Variants in HS3ST4 observed in about 807,000 individuals in gnomAD.
HS3ST4 encodes heparan sulfate glucosamine 3-O-sulfotransferase 4.
A neutral mutation model predicts 29.2 loss-of-function variants in HS3ST4; 17 were observed. That is an observed-to-expected ratio of 0.58 (90% CI 0.40 to 0.87). The LOEUF (loss-of-function observed/expected upper bound fraction) is 0.87. HS3ST4 is among the 40% of genes least tolerant of loss of function. HS3ST4 has a pLI of 0.00. For missense variants in HS3ST4, 627 were observed against 634.5 expected, an observed-to-expected ratio of 0.99 and a Z score of 0.13; for synonymous variants, 314 against 285.7, an observed-to-expected ratio of 1.10 and a Z score of -1.00.
chr16:25,815,650 A>G (rs1967086308), intron 1 of HS3ST4, among the ~76,000 whole-genome samples: 1 of 152,188 alleles, frequency 6.6e-6, no homozygotes, highest in Non-Finnish European at 1.5e-5. Flanking sequence ...AAAAGCAAGC[A>G]AATATATGAC....
At chr16:25,879,946 T>C (rs1445081169) in intron 1 of HS3ST4, among the ~76,000 whole-genome samples, 3 of 152,088 alleles carry the variant, frequency 2.0e-5, no homozygotes, top group African/African-American at 7.2e-5. Flanking sequence ...CTTGTGAGAC[T>C]TATTCACTAC....
chr16:26,011,244 A>G (rs1296392602), intron 1 of HS3ST4, among the ~76,000 whole-genome samples: 1 of 152,174 alleles, frequency 6.6e-6, no homozygotes, highest in Non-Finnish European at 1.5e-5. Flanking sequence ...GCAAAATTGG[A>G]ACTCTCAGAT....
intron 1 of HS3ST4, among the ~76,000 whole-genome samples, chr16:25,717,943 A>G (rs535095661): frequency 6.6e-6 from 1 of 152,254 alleles, no homozygotes; most frequent in South Asian, 2.1e-4. Flanking sequence ...TGATGATGGA[A>G]AGAAGTGGCT....
chr16:26,121,994 G>T lies in HS3ST4; in HGVS notation c.735-13618G>T, dbSNP rs151311004. On this transcript the variant is annotated intron_variant, in intron 1 of 1. Transcript: ENST00000331351. ...TTGTCTTAGAACCCTGAAGTGAGAC[G>T]TTGCAATCACAAAAGAGAAAAGAGT... Among the ~76,000 whole-genome samples, 52 of 152,228 alleles carry T rather than the reference G, an allele frequency of 3.4e-4. 1 individual carries two copies. Among genetic ancestry groups the T allele is most frequent in the African/African-American group, 1.2e-3 (50 of 41,538 alleles).
chr16:25,785,284 A>T lies in HS3ST4; in HGVS notation c.734+92133A>T, dbSNP rs148052004. 3.1e-3 allele frequency among the ~76,000 whole-genome samples: 478 copies of T among 152,326 alleles called. 3 individuals carry two copies. Among genetic ancestry groups the T allele is most frequent in the African/African-American group, 0.011 (458 of 41,574 alleles). ...CCCTTTTGCAGCCCATGGATAGAGG[A>T]GTAATTTGGACTTCCAAGTCTTATT... On this transcript the variant is annotated intron_variant, in intron 1 of 1. Coordinates refer to ENST00000331351, the MANE Select transcript of HS3ST4 (RefSeq NM_006040.3).
rs543447571 is a variant in HS3ST4 at position 25,723,664 on chromosome 16, A to G, written c.734+30513A>G. On this transcript the variant is annotated intron_variant, in intron 1 of 1. Coordinates refer to ENST00000331351, the MANE Select transcript of HS3ST4 (RefSeq NM_006040.3). ...ATTTTTTATCTCTTTTACTCAAAAT[A>G]TCCTCGATGAAGCTCAGATGCTTTT... Among the ~76,000 whole-genome samples the G allele has an allele frequency of 2.0e-5, 3 of 152,370 alleles. No homozygotes were observed. In the East Asian group the frequency reaches 5.8e-4, roughly 29 times the overall value.
intron 1 of HS3ST4, among the ~76,000 whole-genome samples, chr16:25,774,738 T>G (rs1288531534): frequency 6.6e-6 from 1 of 152,200 alleles, no homozygotes; most frequent in Admixed American, 6.5e-5. Flanking sequence ...TTTGATTACA[T>G]TGGACCACCT....
rs141700251 is a variant in HS3ST4 at position 26,115,973 on chromosome 16, G to A, written c.735-19639G>A. 2.5e-3 allele frequency among the ~76,000 whole-genome samples: 378 copies of A among 152,296 alleles called. 3 individuals are homozygous for A. Among genetic ancestry groups the A allele is most frequent in the African/African-American group, 7.2e-3 (299 of 41,566 alleles). On this transcript the variant is annotated intron_variant, in intron 1 of 1. Coordinates refer to ENST00000331351, the MANE Select transcript of HS3ST4 (RefSeq NM_006040.3). ...AATTGTAGTGATTCTCTATAGCTGC[G>A]TAACAAACGTAAGGGCTTAAAACAC...
chr16:26,029,090 A>T (rs1275528202), intron 1 of HS3ST4: 1 of 152,226 alleles, frequency 6.6e-6, no homozygotes, highest in Non-Finnish European at 1.5e-5. Context: ...TTTTATTCCT[A>T]TCCTGACACA....
In HS3ST4 at chr16:26,064,497, A is replaced by G. The variant is rs184542100; in HGVS notation, c.735-71115A>G. On this transcript the variant is annotated intron_variant, in intron 1 of 1. Transcript: ENST00000331351. Reference sequence around the variant, plus strand: ...CACTGGTGGGAAAAACACAGGGTACATAGGACCAGATTAAGGAGAGACTTG... The same window carrying G: ...CACTGGTGGGAAAAACACAGGGTACGTAGGACCAGATTAAGGAGAGACTTG... 2.6e-5 allele frequency among the ~76,000 whole-genome samples: 4 copies of G among 152,238 alleles called. No homozygotes were observed. The East Asian group carries it at 5.8e-4, about 22-fold the overall frequency.
chr16:25,756,827 C>G (rs138307284), intron 1 of HS3ST4, among the ~76,000 whole-genome samples: 174 of 152,316 alleles, frequency 1.1e-3, no homozygotes, highest in Non-Finnish European at 1.8e-3. Context: ...AGAAGCAAAA[C>G]TGCTTTGAAG....
At chr16:25,929,778 A>T (rs1485767846) in intron 1 of HS3ST4, among the ~76,000 whole-genome samples, 1 of 152,228 alleles carries the variant, frequency 6.6e-6, no homozygotes, top group Non-Finnish European at 1.5e-5. Flanking sequence ...GATTCTTTTT[A>T]AAAATATATT....
chr16:25,719,645 T>C (rs1236887783), intron 1 of HS3ST4, among the ~76,000 whole-genome samples: 1 of 152,226 alleles, frequency 6.6e-6, no homozygotes, highest in African/African-American at 2.4e-5. Context: ...TAGCTGCAGT[T>C]CTGGGCATCA....
At chr16:25,982,697 G>A (rs182844677) in intron 1 of HS3ST4, among the ~76,000 whole-genome samples, 79 of 152,190 alleles carry the variant, frequency 5.2e-4, no homozygotes, top group Non-Finnish European at 9.1e-4. Context: ...GGGTATGGTG[G>A]TGTGTGCCTG....
chr16:25,948,152 G>T (rs566544442), intron 1 of HS3ST4, among the ~76,000 whole-genome samples: 14 of 152,276 alleles, frequency 9.2e-5, no homozygotes, highest in African/African-American at 3.1e-4. Context: ...CAAGGTCTCA[G>T]ACCTAAGTAT....
intron 1 of HS3ST4, among the ~76,000 whole-genome samples, chr16:25,729,148 G>A (rs113050255): frequency 1.5e-3 from 228 of 152,212 alleles, no homozygotes; most frequent in African/African-American, 5.3e-3. Flanking sequence ...AAGGAGTCTG[G>A]ATAGATGGGA....
At chr16:26,013,199 A>G (rs1969327424) in intron 1 of HS3ST4, among the ~76,000 whole-genome samples, 1 of 152,032 alleles carries the variant, frequency 6.6e-6, no homozygotes, top group South Asian at 2.1e-4. Context: ...AAAACAAAAA[A>G]AACACCAAAA....
At chr16:25,725,655 AT>A (rs1474885981) in intron 1 of HS3ST4, among the ~76,000 whole-genome samples, 1 of 151,568 alleles carries the variant, frequency 6.6e-6, no homozygotes, top group Non-Finnish European at 1.5e-5. Context: ...TTAATTGTAA[AT>A]TCTATATTGT....
At chr16:26,057,377 A>G (rs1898422714) in intron 1 of HS3ST4, among the ~76,000 whole-genome samples, 1 of 152,168 alleles carries the variant, frequency 6.6e-6, no homozygotes, top group South Asian at 2.1e-4. Context: ...TGGTAGGATC[A>G]TCCCCACCTA....
Sources: allele counts gnomAD v4.1 joint callset (sites outside exome capture counted in the v4.1 genomes callset), GRCh38; gene constraint gnomAD v4.1.1; transcripts MANE v1.5; gene names NCBI Gene and HGNC (gene_info 2026-07-23, HGNC 2026-07-21).